PREX1: variants seen among roughly 807,000 people sequenced by gnomAD.
PREX1 encodes the protein phosphatidylinositol-3,4,5-trisphosphate dependent Rac exchange factor 1, also known as phosphatidylinositol 3,4,5-trisphosphate-dependent Rac exchanger 1 protein.
Under a neutral mutation model 198.3 loss-of-function variants are expected in PREX1, and 41 were observed. That is an observed-to-expected ratio of 0.21 (90% confidence interval 0.16 to 0.27). PREX1 has a LOEUF of 0.27. Among genes scored for constraint, PREX1 ranks in the 10% least tolerant of loss-of-function variants. The pLI, the probability that PREX1 is intolerant of heterozygous loss-of-function variation, is 1.00. For missense variants in PREX1, 1,620 were observed against 2,200.7 expected (o/e 0.74, Z 5.28); for synonymous variants, 843 against 887.2 (o/e 0.95, Z 0.89).
chr20:48,822,291 A>G (rs915235067), intron 1 of PREX1, among the ~76,000 whole-genome samples: 1 of 152,206 alleles, frequency 6.6e-6, no homozygotes, highest in Non-Finnish European at 1.5e-5. Flanking sequence ...GAGGTCTCAC[A>G]GGGGCAGTAA....
intron 1 of PREX1, among the ~76,000 whole-genome samples, chr20:48,762,488 C>G (rs1317483278): frequency 6.6e-6 from 1 of 152,178 alleles, no homozygotes; most frequent in Non-Finnish European, 1.5e-5. Flanking sequence ...TTGCCCATGT[C>G]CCCTGGAGGC....
Position 48,684,119 on chromosome 20 carries a change from ATCCCTCCTTCCT to A in PREX1, c.1335-2796_1335-2785del, listed in dbSNP as rs200022808. On this transcript the variant is annotated intron_variant, in intron 10 of 39. Coordinates refer to ENST00000371941, the MANE Select transcript of PREX1 (RefSeq NM_020820.4). This position sits in a 1 kb window ranked among gnomAD's most constrained non-coding sequence, Gnocchi z 4.2. Reference sequence around the variant, plus strand: ...TGAGAGTTAGGATGTGTCAGCTTTCATCCCTCCTTCCTTCCCGCCTCCTAGAATCATTCACCC... The same window carrying A: ...TGAGAGTTAGGATGTGTCAGCTTTCATCCCGCCTCCTAGAATCATTCACCC... Among the ~76,000 whole-genome samples the A allele has an allele frequency of 0.028, 4,303 of 152,202 alleles. 103 individuals are homozygous for A. The highest frequency in any genetic ancestry group is 0.044 in the Non-Finnish European group (2,979 of 67,986).
chr20:48,820,104 T>G (rs1217394678), intron 1 of PREX1, among the ~76,000 whole-genome samples: 1 of 152,166 alleles, frequency 6.6e-6, no homozygotes, highest in African/African-American at 2.4e-5. Context: ...GGGGAAGGAA[T>G]CAGGCGGGTA....
intron 32 of PREX1, 78 bp downstream of exon 32, chr20:48,636,385 C>A (rs943681946): frequency 3.5e-6 from 5 of 1,426,478 alleles, no homozygotes; most frequent in Non-Finnish European, 4.7e-6. Flanking sequence ...AGTAAGTGGG[C>A]AAGGGCTCCC....
intron 1 of PREX1, among the ~76,000 whole-genome samples, chr20:48,756,972 C>T (rs2090158287): frequency 6.6e-6 from 1 of 152,108 alleles, no homozygotes; most frequent in Non-Finnish European, 1.5e-5. Context: ...CATCAGATCT[C>T]GTGAGACTTA....
At chr20:48,768,312 T>C (rs1022210684) in intron 1 of PREX1, among the ~76,000 whole-genome samples, 3 of 152,198 alleles carry the variant, frequency 2.0e-5, no homozygotes, top group African/African-American at 7.2e-5. Context: ...AATGGTGGTG[T>C]TCTCACACAA....
intron 13 of PREX1, among the ~76,000 whole-genome samples, chr20:48,676,811 T>G (rs2123004665): frequency 6.6e-6 from 1 of 152,316 alleles, no homozygotes; most frequent in South Asian, 2.1e-4. Flanking sequence ...TCCTTTTTGT[T>G]TTGTGGTTGA....
chr20:48,807,272 A>T (rs1048244877), intron 1 of PREX1, among the ~76,000 whole-genome samples: 1 of 151,908 alleles, frequency 6.6e-6, no homozygotes, highest in East Asian at 1.9e-4. Context: ...CTTTCTCCAC[A>T]CTCATAAATA....
chr20:48,664,693 T>C (rs549698462), intron 15 of PREX1, among the ~76,000 whole-genome samples: 1 of 152,350 alleles, frequency 6.6e-6, no homozygotes, highest in South Asian at 2.1e-4. Context: ...AGTAGTTGAG[T>C]GTGCAGCCTC....
intron 1 of PREX1, among the ~76,000 whole-genome samples, chr20:48,795,422 C>A (rs1040983694): frequency 1.3e-5 from 2 of 151,756 alleles, no homozygotes; most frequent in African/African-American, 4.8e-5. Context: ...CCCAACCCCC[C>A]ACCCCTGAGG....
chr20:48,887,875 G>C, the PREX1 span, among the ~76,000 whole-genome samples: 3 of 151,442 alleles, frequency 2.0e-5, no homozygotes, highest in South Asian at 6.2e-4. Flanking sequence ...GCGTAAACCC[G>C]GGAGGCGGAG....
intron 1 of PREX1, among the ~76,000 whole-genome samples, chr20:48,818,049 T>C (rs1419850347): frequency 6.6e-6 from 1 of 152,092 alleles, no homozygotes; most frequent in Admixed American, 6.5e-5. Context: ...AAGAACATGA[T>C]TTTGAGCAAA....
the PREX1 span, among the ~76,000 whole-genome samples, chr20:48,839,100 C>CT: frequency 1.4e-5 from 2 of 142,900 alleles, no homozygotes; most frequent in African/African-American, 5.2e-5. Flanking sequence ...TTTCTTTATA[C>CT]TTTTTTCACA....
At chr20:48,725,652 T>C (rs1182627289) in intron 5 of PREX1, among the ~76,000 whole-genome samples, 1 of 152,194 alleles carries the variant, frequency 6.6e-6, no homozygotes, top group African/African-American at 2.4e-5. Flanking sequence ...TAGTGATTGG[T>C]TCAAGGTTGG....
chr20:48,841,935 A>C, the PREX1 span, among the ~76,000 whole-genome samples: 1 of 152,234 alleles, frequency 6.6e-6, no homozygotes, highest in Non-Finnish European at 1.5e-5. Context: ...AAACTGTTCC[A>C]GTGACTAATC....
the PREX1 span, among the ~76,000 whole-genome samples, chr20:48,863,586 C>CTTT: frequency 2.8e-4 from 29 of 104,294 alleles, no homozygotes; most frequent in South Asian, 3.2e-4. Context: ...TTCATATTGT[C>CTTT]TTTTTTTTTT....
At position 48,787,745 on chromosome 20, in the gene PREX1, T is replaced by A. The variant is rs183734976; in HGVS notation, c.220-39865A>T. ...AAAGAAGTCTGGTTGCAAAATGTTC[T>A]GAAAAGAAAAAACAAACTTTTAACA... On this transcript the variant is annotated intron_variant, in intron 1 of 39. Coordinates refer to ENST00000371941, the MANE Select transcript of PREX1 (RefSeq NM_020820.4). 1.5e-3 allele frequency among the ~76,000 whole-genome samples: 227 copies of A among 152,340 alleles called. 2 individuals are homozygous for A. The highest frequency in any genetic ancestry group is 6.8e-3 in the Middle Eastern group (2 of 294).
chr20:48,626,790 C>T (rs1350956832), intron 39 of PREX1, among the ~76,000 whole-genome samples: 2 of 152,216 alleles, frequency 1.3e-5, no homozygotes, highest in Non-Finnish European at 2.9e-5. Flanking sequence ...GAACTGTGGA[C>T]TATTTTTACA....
chr20:48,746,757 TA>T (rs11342038), intron 2 of PREX1, among the ~76,000 whole-genome samples: 36,995 of 150,898 alleles, frequency 0.25, 5,663 homozygotes, highest in Admixed American at 0.33. Context: ...TCTACCTCAT[TA>T]AAAAAAAAGG....
Sources: allele counts gnomAD v4.1 joint callset (sites outside exome capture counted in the v4.1 genomes callset), GRCh38; gene constraint gnomAD v4.1.1; non-coding constraint Gnocchi (gnomAD v3.1); transcripts MANE v1.5; gene names NCBI Gene and HGNC (gene_info 2026-07-23, HGNC 2026-07-21).